The following ZNF493 variants were observed in gnomAD, a reference collection of about 807,000 sequenced individuals.
The protein encoded by ZNF493 is zinc finger protein 493.
In ZNF493, 11 loss-of-function variants were observed where a neutral mutation model predicts 12.2. The observed-to-expected ratio is 0.90, with a 90% confidence interval of 0.57 to 1.50. The LOEUF (loss-of-function observed/expected upper bound fraction) is 1.50, where lower values mean the gene tolerates loss of function less well. Ranked by LOEUF, ZNF493 falls within the 40% of genes most tolerant of loss-of-function variation. ZNF493 has a pLI of 0.00. For synonymous variants in ZNF493, 286 were observed against 302.6 expected (o/e 0.95, Z 0.57); for missense variants, 950 against 906.6 (o/e 1.05, Z -0.61).
chr19:21,399,361 T>C (rs2650851), intron 1 of ZNF493, among the ~76,000 whole-genome samples: 141,943 of 151,578 alleles, frequency 0.94, 66,720 homozygotes, highest in Middle Eastern at 0.99. Context: ...AGGGTTCCAC[T>C]GTGTTAGGCA....
In ZNF493 at chr19:21,423,765, G is replaced by A; in HGVS notation, c.1106G>A (p.Arg369Lys). The A allele has an allele frequency of 6.2e-7, 1 of 1,610,600 alleles. No homozygotes were observed. The highest frequency in any genetic ancestry group is 8.5e-7 in the Non-Finnish European group (1 of 1,178,678). ...TCCTCACACCTTACTACACATAAAAGAATTCATACTGGAGAGAAACCCTAC... is the reference window on the plus strand; with the variant it reads ...TCCTCACACCTTACTACACATAAAAAAATTCATACTGGAGAGAAACCCTAC... Reference protein sequence around the residue: ...KESSHLTTHKRIHTGEKPYKC... With the variant: ...KESSHLTTHKKIHTGEKPYKC... The change falls in exon 4 of 4, where the codon AGA becomes AAA. Residue 369 changes from arginine to lysine, a missense_variant. Transcript: ENST00000392288.
chr19:21,415,610 G>C (rs186885998), intron 3 of ZNF493, among the ~76,000 whole-genome samples: 18 of 152,236 alleles, frequency 1.2e-4, no homozygotes, highest in African/African-American at 4.3e-4. Flanking sequence ...GCAGCACAAA[G>C]TATATCAACC....
At position 21,411,293 on chromosome 19, in the gene ZNF493, T is replaced by C. The variant is rs555892754; in HGVS notation, c.253+5437T>C. On this transcript the variant is annotated intron_variant, in intron 3 of 3. Coordinates refer to ENST00000392288, the MANE Select transcript of ZNF493 (RefSeq NM_001076678.3). The stretch of plus-strand genomic sequence containing the variant: ...CTGGGCTCTCTGTTCTGTTCTTTCA[T>C]CTTTTTATCTTTGTGTAAGTATCAC... 2.6e-5 allele frequency among the ~76,000 whole-genome samples: 4 copies of C among 152,292 alleles called. No individual in the cohort carries two copies. In the South Asian group the frequency reaches 6.2e-4, roughly 24 times the overall value.
rs2030809323 is a variant in ZNF493, at chr19:21,424,823, T to G, written c.2164T>G (p.Phe722Val). Residue 722 changes from phenylalanine (F) to valine (V), a missense_variant, in exon 4 of 4, where the codon TTT becomes GTT. Transcript: ENST00000392288. ...CAAATGTGAAGAATGTGGCAAAGCT[T>G]TTAACCATTCCTCAAACCTTATTAA... ...PCKCEECGKA[F>V]NHSSNLIKHK... is the part of the protein sequence containing the mutation. The G allele has an allele frequency of 6.2e-7, 1 of 1,613,478 alleles. No homozygotes were observed. The highest frequency in any genetic ancestry group is 8.5e-7 in the Non-Finnish European group (1 of 1,179,696).
At chr19:21,398,333 A>G (rs1974206033) in intron 1 of ZNF493, 1 of 156,816 alleles carries the variant, frequency 6.4e-6, no homozygotes, top group Non-Finnish European at 1.4e-5. Flanking sequence ...AATATTTCCC[A>G]TGAAAAGAAG....
At chr19:21,417,946 C>A (rs1252399252) in intron 3 of ZNF493, among the ~76,000 whole-genome samples, 2 of 152,190 alleles carry the variant, frequency 1.3e-5, no homozygotes, top group African/African-American at 2.4e-5. Context: ...TGTTTAAATT[C>A]TTTGAGTAAT....
At position 21,425,277 on chromosome 19, in the gene ZNF493, G is replaced by A. The variant is rs1323030241; in HGVS notation, c.*293G>A. The A allele has an allele frequency of 2.1e-6, 1 of 472,330 alleles. No homozygotes were observed. The highest frequency in any genetic ancestry group is 4.0e-6 in the Non-Finnish European group (1 of 249,202). 29.3% of individuals were successfully genotyped at this position (472,330 alleles called of 1,614,324 possible). A position where few individuals can be genotyped will look rare whatever the true frequency, so the allele number is the denominator to read the frequency against. ...TACCATAGAGAAATCCTACAAATAT[G>A]AAGAATGTGACAAAGCTTTTAACCA... On this transcript the variant is annotated 3_prime_UTR_variant, in exon 4 of 4. Coordinates refer to ENST00000392288, the MANE Select transcript of ZNF493 (RefSeq NM_001076678.3).
intron 1 of ZNF493, among the ~76,000 whole-genome samples, chr19:21,403,592 G>A (rs2030018665): frequency 6.6e-6 from 1 of 152,074 alleles, no homozygotes; most frequent in South Asian, 2.1e-4. Flanking sequence ...CAGGATGCAG[G>A]TGTAACTTCT....
At chr19:21,405,991 C>A in intron 3 of ZNF493, 135 bp downstream of exon 3, 1 of 546,360 alleles carries the variant, frequency 1.8e-6, no homozygotes, top group Non-Finnish European at 3.1e-6. Context: ...GAGGCCAAGG[C>A]AGGTGGATCA....
At chr19:21,399,883 AC>A (rs2029885177) in intron 1 of ZNF493, among the ~76,000 whole-genome samples, 1 of 152,140 alleles carries the variant, frequency 6.6e-6, no homozygotes, top group Non-Finnish European at 1.5e-5. Context: ...ATTCATAAAA[AC>A]GTAAGTTCCT....
At chr19:21,420,498 C>T (rs989891110) in intron 3 of ZNF493, among the ~76,000 whole-genome samples, 3 of 142,496 alleles carry the variant, frequency 2.1e-5, no homozygotes, top group Admixed American at 7.2e-5. Flanking sequence ...TAAGGCAGTG[C>T]CAATATACTT....
chr19:21,405,021 T>A (rs1394391767), intron 1 of ZNF493, 108 bp from the exon 2 acceptor site: 1 of 1,506,482 alleles, frequency 6.6e-7, no homozygotes, highest in African/African-American at 1.4e-5. Flanking sequence ...TTCCTGTAAG[T>A]CAGAACGAAT....
intron 1 of ZNF493, among the ~76,000 whole-genome samples, chr19:21,401,122 A>G (rs893502510): frequency 6.6e-5 from 10 of 152,328 alleles, no homozygotes; most frequent in Non-Finnish European, 1.3e-4. Context: ...ATTTTGATGT[A>G]TGTACCTCCA....
chr19:21,413,576 T>C, intron 3 of ZNF493: 1 of 408,362 alleles, frequency 2.4e-6, no homozygotes, highest in Non-Finnish European at 4.3e-6. Context: ...AATCTTGACA[T>C]GGCTGCAACG....
rs139658441 is a variant in ZNF493 at position 21,417,025 on chromosome 19, G to A, written c.254-5888G>A. Among the ~76,000 whole-genome samples, 1,094 of 152,302 alleles carry A rather than the reference G, an allele frequency of 7.2e-3. 15 individuals are homozygous for A. Among genetic ancestry groups the A allele is most frequent in the African/African-American group, 0.025 (1,029 of 41,548 alleles). Reference sequence around the variant, plus strand: ...GGCGGGGGACAGACATTGTACAGGGGTGAGGGAATGGCCTGAGCTGGAAAT... The same window carrying A: ...GGCGGGGGACAGACATTGTACAGGGATGAGGGAATGGCCTGAGCTGGAAAT... On this transcript the variant is annotated intron_variant, in intron 3 of 3. Coordinates refer to ENST00000392288, the MANE Select transcript of ZNF493 (RefSeq NM_001076678.3).
chr19:21,418,975 T>G (rs2030574783), intron 3 of ZNF493, among the ~76,000 whole-genome samples: 2 of 152,198 alleles, frequency 1.3e-5, no homozygotes, highest in East Asian at 1.9e-4. Context: ...TGGCCAGTTT[T>G]GGGGCCACTT....
At chr19:21,399,525 A>G (rs1974227629) in intron 1 of ZNF493, among the ~76,000 whole-genome samples, 1 of 152,170 alleles carries the variant, frequency 6.6e-6, no homozygotes, top group Non-Finnish European at 1.5e-5. Context: ...TTGTTCACTT[A>G]TTTTGACCTC....
intron 3 of ZNF493, chr19:21,414,685 A>G (rs2030428304): frequency 2.0e-5 from 3 of 152,220 alleles, no homozygotes; most frequent in African/African-American, 7.2e-5. Flanking sequence ...AGGCATATCA[A>G]AAGCAGTCAA....
At chr19:21,422,468 ATT>A (rs150608342) in intron 3 of ZNF493, among the ~76,000 whole-genome samples, 11 of 132,858 alleles carry the variant, frequency 8.3e-5, no homozygotes, top group African/African-American at 2.9e-4. Context: ...TATTTTTATA[ATT>A]TTTTTTTTTT....
Sources: allele counts gnomAD v4.1 joint callset (sites outside exome capture counted in the v4.1 genomes callset), GRCh38; gene constraint gnomAD v4.1.1; transcripts MANE v1.5; gene names NCBI Gene and HGNC (gene_info 2026-07-23, HGNC 2026-07-21).